CCDC85A: variants seen among roughly 807,000 people sequenced by gnomAD.
CCDC85A encodes coiled-coil domain-containing protein 85A.
A neutral mutation model predicts 50.2 loss-of-function variants in CCDC85A; 38 were observed. That is an observed-to-expected ratio of 0.76 (90% CI 0.58 to 0.99). CCDC85A has a LOEUF of 0.99. Ranked by LOEUF, CCDC85A falls within the 50% of genes least tolerant of loss-of-function variation. CCDC85A has a pLI of 0.00. For missense variants in CCDC85A, 820 were observed against 742.0 expected, an observed-to-expected ratio of 1.11 and a Z score of -1.22; for synonymous variants, 366 against 301.4, an observed-to-expected ratio of 1.21 and a Z score of -2.22.
chr2:56,336,075 C>T (rs979155340), intron 2 of CCDC85A, among the ~76,000 whole-genome samples: 1 of 152,108 alleles, frequency 6.6e-6, no homozygotes, highest in African/African-American at 2.4e-5. Context: ...CTTAGAGAGC[C>T]ACATAAAAGC....
intron 2 of CCDC85A, among the ~76,000 whole-genome samples, chr2:56,262,096 A>C (rs949224089): frequency 6.6e-6 from 1 of 152,120 alleles, no homozygotes; most frequent in African/African-American, 2.4e-5. Flanking sequence ...ATTTCAGCCC[A>C]ATTTCAGGTG....
intron 3 of CCDC85A, among the ~76,000 whole-genome samples, chr2:56,361,245 C>T (rs563485125): frequency 1.5e-4 from 21 of 138,750 alleles, no homozygotes; most frequent in African/African-American, 5.2e-4. Context: ...CAGAGCAAGA[C>T]TCCGTCTCAA....
intron 2 of CCDC85A, among the ~76,000 whole-genome samples, chr2:56,220,771 A>G (rs2103905614): frequency 6.6e-6 from 1 of 152,182 alleles, no homozygotes; most frequent in Non-Finnish European, 1.5e-5. Flanking sequence ...AACCTACAAA[A>G]TACTGATAAA....
chr2:56,321,394 C>T (rs1324906629), intron 2 of CCDC85A, among the ~76,000 whole-genome samples: 1 of 152,110 alleles, frequency 6.6e-6, no homozygotes, highest in African/African-American at 2.4e-5. Context: ...TTAGAAAACC[C>T]CATCATTCAG....
chr2:56,223,854 C>T (rs182853039), intron 2 of CCDC85A, among the ~76,000 whole-genome samples: 9 of 152,240 alleles, frequency 5.9e-5, no homozygotes, highest in South Asian at 2.1e-4. Flanking sequence ...CCCTAAATAA[C>T]GCTCTGTGAT....
At chr2:56,234,622 A>G (rs772637327) in intron 2 of CCDC85A, among the ~76,000 whole-genome samples, 60 of 152,030 alleles carry the variant, frequency 3.9e-4, no homozygotes, top group Non-Finnish European at 7.9e-4. Context: ...CACCTCAGTC[A>G]CTAATTATTT....
intron 5 of CCDC85A, chr2:56,383,572 A>T: frequency 1.0e-6 from 1 of 984,772 alleles, no homozygotes; most frequent in Non-Finnish European, 1.2e-6. Flanking sequence ...GTGATTCTTG[A>T]ATTTATTCTT....
chr2:56,338,926 A>G (rs1174371138), intron 2 of CCDC85A, among the ~76,000 whole-genome samples: 1 of 152,130 alleles, frequency 6.6e-6, no homozygotes, highest in Non-Finnish European at 1.5e-5. Flanking sequence ...GAGTACTCTT[A>G]TTTATACATG....
At position 56,325,456 on chromosome 2, in the gene CCDC85A, C is replaced by T. The variant is rs190436349; in HGVS notation, c.1241-17423C>T. Among the ~76,000 whole-genome samples the T allele has an allele frequency of 7.9e-5, 12 of 152,164 alleles. No homozygotes were observed. The East Asian group carries it at 2.3e-3, about 29-fold the overall frequency. ...AGATATTTGATTTGTGGGGAATAAGCAATTTCTGTTCTAATGTCTGTGATG... is the reference window on the plus strand; with the variant it reads ...AGATATTTGATTTGTGGGGAATAAGTAATTTCTGTTCTAATGTCTGTGATG... On this transcript the variant is annotated intron_variant, in intron 2 of 5. Coordinates refer to ENST00000407595, the MANE Select transcript of CCDC85A (RefSeq NM_001080433.2).
chr2:56,349,036 A>G (rs1034228890), intron 3 of CCDC85A, among the ~76,000 whole-genome samples: 1 of 152,178 alleles, frequency 6.6e-6, no homozygotes, highest in Non-Finnish European at 1.5e-5. Flanking sequence ...GGTATTCCTC[A>G]ACTGTTATTT....
intron 2 of CCDC85A, among the ~76,000 whole-genome samples, chr2:56,200,013 C>T (rs910364948): frequency 6.6e-5 from 10 of 152,300 alleles, no homozygotes; most frequent in South Asian, 4.1e-4. Flanking sequence ...GGATTACAGG[C>T]GCACACCACC....
intron 3 of CCDC85A, among the ~76,000 whole-genome samples, chr2:56,347,908 C>T (rs1439987867): frequency 6.6e-6 from 1 of 152,138 alleles, no homozygotes; most frequent in Non-Finnish European, 1.5e-5. Context: ...GCTGCATGTG[C>T]AGTGAGGCCT....
At chr2:56,258,665 C>G (rs1670090319) in intron 2 of CCDC85A, among the ~76,000 whole-genome samples, 1 of 152,032 alleles carries the variant, frequency 6.6e-6, no homozygotes, top group South Asian at 2.1e-4. Context: ...AGTTTGCAGA[C>G]AAAATTTAAA....
chr2:56,326,041 C>T (rs1173555851), intron 2 of CCDC85A, among the ~76,000 whole-genome samples: 1 of 152,104 alleles, frequency 6.6e-6, no homozygotes, highest in Non-Finnish European at 1.5e-5. Flanking sequence ...TTAAATCAAG[C>T]AGACTTGGTG....
rs1000263951 is a variant in CCDC85A at position 56,384,446 on chromosome 2, G to A, written c.*91G>A. 1.3e-4 allele frequency: 136 copies of A among 1,074,332 alleles called. 1 individual carries two copies. The highest frequency in any genetic ancestry group is 4.0e-4 in the Middle Eastern group (2 of 4,996). 66.5% of individuals were successfully genotyped at this position (1,074,332 alleles called of 1,614,324 possible). A position where few individuals can be genotyped will look rare whatever the true frequency, so the allele number is the denominator to read the frequency against. On this transcript the variant is annotated 3_prime_UTR_variant, in exon 6 of 6. Transcript: ENST00000407595. ...GAAAGAGTGGGTTTCCACAAACCTG[G>A]ACTCATGGAATAACATGGAGTGATT...
At chr2:56,301,297 T>G (rs1050322034) in intron 2 of CCDC85A, among the ~76,000 whole-genome samples, 4 of 152,174 alleles carry the variant, frequency 2.6e-5, no homozygotes, top group African/African-American at 9.7e-5. Flanking sequence ...CTTTAACATG[T>G]GAGTGTTCAG....
At chr2:56,363,723 G>A (rs1309733441) in intron 3 of CCDC85A, among the ~76,000 whole-genome samples, 1 of 152,180 alleles carries the variant, frequency 6.6e-6, no homozygotes, top group Admixed American at 6.5e-5. Flanking sequence ...TTCTGTGCAT[G>A]TGTTCCCCTG....
chr2:56,234,351 C>A (rs1460641759), intron 2 of CCDC85A, among the ~76,000 whole-genome samples: 1 of 152,168 alleles, frequency 6.6e-6, no homozygotes, highest in Admixed American at 6.5e-5. Flanking sequence ...AGGATCTGCT[C>A]AGCAGCTCTT....
chr2:56,257,830 A>AGGAGAAGATAT (rs1329879434), intron 2 of CCDC85A, among the ~76,000 whole-genome samples: 3 of 152,182 alleles, frequency 2.0e-5, no homozygotes, highest in Non-Finnish European at 4.4e-5. Context: ...CCTGACATGG[A>AGGAGAAGATAT]GGAGAAGATA....
Sources: gnomAD v4.1 joint callset for allele counts (sites outside exome capture counted in the v4.1 genomes callset) on GRCh38, gnomAD v4.1.1 for gene constraint, MANE v1.5 for transcripts, NCBI Gene and HGNC (gene_info 2026-07-23, HGNC 2026-07-21) for gene names.